Variants in PCDHA2 observed in about 807,000 individuals in gnomAD.
The protein encoded by PCDHA2 is protocadherin alpha 2.
PCDHA2 carries 58 observed loss-of-function variants against 66.0 expected under a neutral mutation model. That is an observed-to-expected ratio of 0.88 (90% confidence interval 0.71 to 1.09). PCDHA2 has a LOEUF of 1.09. Ranked by LOEUF, PCDHA2 falls within the 50% of genes least tolerant of loss-of-function variation. The pLI is 0.00. For missense variants in PCDHA2, 1,267 were observed against 1,242.3 expected (o/e 1.02, Z -0.30); for synonymous variants, 634 against 554.0 (o/e 1.14, Z -2.03).
At chr5:140,824,610 G>GTTTTTTTTTGT (rs1768200307) in intron 1 of PCDHA2, 1 of 95,104 alleles carries the variant, frequency 1.1e-5, no homozygotes, top group Non-Finnish European at 1.9e-5. Context: ...GCTAATTAAA[G>GTTTTTTTTTGT]TTTTTTTTTT....
intron 1 of PCDHA2, among the ~76,000 whole-genome samples, chr5:140,923,307 G>A (rs541732390): frequency 9.2e-5 from 14 of 152,288 alleles, no homozygotes; most frequent in African/African-American, 3.1e-4. Flanking sequence ...GCGTGGGGGC[G>A]CTTGGCCTAG....
intron 1 of PCDHA2, chr5:140,843,117 C>T: frequency 6.3e-7 from 1 of 1,595,860 alleles, no homozygotes; most frequent in Non-Finnish European, 8.6e-7. Context: ...GCAGTGGACG[C>T]CGACTCGGGC....
At chr5:140,843,385 T>A in intron 1 of PCDHA2, 1 of 1,595,902 alleles carries the variant, frequency 6.3e-7, no homozygotes, top group South Asian at 1.1e-5. Flanking sequence ...GCGTTTTGGG[T>A]CCGGAAGCGG....
intron 1 of PCDHA2, among the ~76,000 whole-genome samples, chr5:140,977,977 C>T (rs193229659): frequency 2.0e-5 from 3 of 152,222 alleles, no homozygotes; most frequent in South Asian, 2.1e-4. Context: ...CCCATGAAAA[C>T]GCATCTAGAG....
chr5:140,938,734 AT>A (rs1207782725), intron 1 of PCDHA2, among the ~76,000 whole-genome samples: 1 of 152,136 alleles, frequency 6.6e-6, no homozygotes, highest in Admixed American at 6.5e-5. Flanking sequence ...ACAGAAAAAA[AT>A]AATTATTTTT....
At chr5:140,867,685 T>C (rs2050105980) in intron 1 of PCDHA2, 1 of 152,116 alleles carries the variant, frequency 6.6e-6, no homozygotes, top group African/African-American at 2.4e-5. Context: ...TGTTGCATCT[T>C]CTTTTTTTCC....
At position 140,871,104 on chromosome 5, in the gene PCDHA2, G is replaced by A. The variant is rs377444052; in HGVS notation, c.2388+73752G>A. 1,642 of 1,613,308 alleles carry A rather than the reference G, an allele frequency of 1.0e-3. 2 individuals are homozygous for A. Among genetic ancestry groups the A allele is most frequent in the Non-Finnish European group, 1.0e-3 (1,175 of 1,179,876 alleles). On this transcript the variant is annotated intron_variant, in intron 1 of 3. Coordinates refer to ENST00000526136, the MANE Select transcript of PCDHA2 (RefSeq NM_018905.3). ...CGGCCACGGCCACCGTGCTGGTGTC[G>A]TTGGTGGAGAGCGGACAGGCGCCAA...
At position 140,841,487 on chromosome 5, in the gene PCDHA2, C is replaced by G. The variant is rs2150316541; in HGVS notation, c.2388+44135C>G. The G allele has an allele frequency of 6.2e-7, 1 of 1,613,022 alleles. No homozygotes were observed. Among genetic ancestry groups the G allele is most frequent in the Non-Finnish European group, 8.5e-7 (1 of 1,179,924 alleles). On this transcript the variant is annotated intron_variant, in intron 1 of 3. Transcript: ENST00000526136. ...GATCGCGCAGGACCTGGGGCTGGAG[C>G]TGGCGGAGCTGGTGCCGCGCCTGTT...
Position 140,884,639 on chromosome 5 carries a change from G to A in PCDHA2, c.2388+87287G>A, listed in dbSNP as rs781835096. ...TGCAGAGGGAACAGGCCAGAGGGAG[G>A]AGGACTCAGAATGCTTGAAAGAGGT... On this transcript the variant is annotated intron_variant, in intron 1 of 3. Coordinates refer to ENST00000526136, the MANE Select transcript of PCDHA2 (RefSeq NM_018905.3). 55 of 1,610,606 alleles carry A rather than the reference G, an allele frequency of 3.4e-5. No homozygotes were observed. The South Asian group carries it at 5.6e-4, about 16-fold the overall frequency.
chr5:140,832,529 C>T (rs1417040137), intron 1 of PCDHA2, among the ~76,000 whole-genome samples: 1 of 152,170 alleles, frequency 6.6e-6, no homozygotes, highest in Non-Finnish European at 1.5e-5. Context: ...TGAAGATCAC[C>T]ATTTGTGTAG....
chr5:140,834,191 T>G, intron 1 of PCDHA2: 1 of 586,888 alleles, frequency 1.7e-6, no homozygotes, highest in South Asian at 2.5e-5. Context: ...ATGATGTCGC[T>G]CTTTACCGCA....
chr5:140,882,143 C>A, intron 1 of PCDHA2: 2 of 1,494,048 alleles, frequency 1.3e-6, no homozygotes, highest in Admixed American at 2.3e-5. Context: ...GAAAATATAG[C>A]AGAAAGCGGA....
At chr5:140,927,419 G>A (rs781883331) in intron 1 of PCDHA2, 1 of 1,614,140 alleles carries the variant, frequency 6.2e-7, no homozygotes, top group South Asian at 1.1e-5. Flanking sequence ...ATGGGATCGC[G>A]GGTTGACGGC....
chr5:141,005,936 G>A (rs1233031842), intron 3 of PCDHA2, among the ~76,000 whole-genome samples: 1 of 151,890 alleles, frequency 6.6e-6, no homozygotes, highest in African/African-American at 2.4e-5. Context: ...GACAGAGTGA[G>A]AACCTATCTC....
chr5:140,949,798 A>G (rs1021470816), intron 1 of PCDHA2, among the ~76,000 whole-genome samples: 1 of 151,786 alleles, frequency 6.6e-6, no homozygotes, highest in South Asian at 2.1e-4. Context: ...GTGTCCTTCA[A>G]TACATTATTT....
chr5:140,966,934 G>C (rs782780798), intron 1 of PCDHA2: 3 of 1,604,080 alleles, frequency 1.9e-6, no homozygotes, highest in Non-Finnish European at 2.5e-6. Flanking sequence ...CACCCGGCGC[G>C]CTCGTGGGCA....
rs57893927 is a variant in PCDHA2 at position 140,946,631 on chromosome 5, T to TATATAC, written c.2389-32317_2389-32316insTATACA. Among the ~76,000 whole-genome samples, 104 of 131,796 alleles carry TATATAC rather than the reference T, an allele frequency of 7.9e-4. 5 individuals are homozygous for TATATAC. Among genetic ancestry groups the TATATAC allele is most frequent in the Admixed American group, 1.7e-3 (23 of 13,490 alleles). The allele number at this position is 131,796 out of a possible 152,430, so 86.5% of individuals were successfully genotyped here. Reference sequence around the variant, plus strand: ...TGTGAAATATATATATATATATATATACAATGGAATACTCATCAGCCATTA... The same window carrying TATATAC: ...TGTGAAATATATATATATATATATATATATACACAATGGAATACTCATCAGCCATTA... On this transcript the variant is annotated intron_variant, in intron 1 of 3. Transcript: ENST00000526136.
intron 1 of PCDHA2, chr5:140,882,846 C>T (rs1554175786): frequency 2.5e-6 from 4 of 1,614,188 alleles, no homozygotes; most frequent in Non-Finnish European, 3.4e-6. Context: ...TCTTCATTAT[C>T]ACTTGTACTG....
At chr5:140,823,959 G>C in intron 1 of PCDHA2, 1 of 1,614,072 alleles carries the variant, frequency 6.2e-7, no homozygotes, top group Non-Finnish European at 8.5e-7. Context: ...AGCCCACCGA[G>C]GCCGTGTGCA....
Sources: allele counts gnomAD v4.1 joint callset (sites outside exome capture counted in the v4.1 genomes callset), GRCh38; gene constraint gnomAD v4.1.1; transcripts MANE v1.5; gene names NCBI Gene and HGNC (gene_info 2026-07-23, HGNC 2026-07-21).